The following PEMT variants were observed in gnomAD, a reference collection of about 807,000 sequenced individuals.
PEMT encodes phosphatidylethanolamine N-methyltransferase.
Under a neutral mutation model 27.4 loss-of-function variants are expected in PEMT, and 23 were observed. The ratio of observed to expected loss-of-function variants is 0.84; its 90% CI spans 0.60 to 1.19. The LOEUF is 1.19. Ranked by LOEUF, PEMT falls within the 50% of genes most tolerant of loss-of-function variation. The probability of loss-of-function intolerance (pLI) is 0.00; values close to 1 mark genes in which losing one functional copy is unlikely to be tolerated. For synonymous variants in PEMT, 137 were observed against 139.1 expected, an observed-to-expected ratio of 0.98 and a Z score of 0.11; for missense variants, 307 against 310.1, an observed-to-expected ratio of 0.99 and a Z score of 0.07.
rs1183949931 is a variant in PEMT, at chr17:17,561,124, C to T, written c.204+15796G>A. 6.6e-6 allele frequency among the ~76,000 whole-genome samples: 1 copy of T among 152,104 alleles called. No individual in the cohort carries two copies. The highest frequency in any genetic ancestry group is 1.5e-5 in the Non-Finnish European group (1 of 68,034). ...TCACATGATGGGCAGGACCCACACA[C>T]ACCACAGTCATCAAACATTCACTGG... On this transcript the variant is annotated intron_variant, in intron 2 of 6. Coordinates refer to ENST00000255389, the MANE Select transcript of PEMT (RefSeq NM_148172.3). This position sits in a 1 kb window ranked among gnomAD's most constrained non-coding sequence, Gnocchi z 4.5.
chr17:17,582,263 C>T lies in PEMT; in HGVS notation c.97-5236G>A. 1 of 985,482 alleles carries T rather than the reference C, an allele frequency of 1.0e-6. No individual in the cohort carries two copies. The highest frequency in any genetic ancestry group is 1.2e-6 in the Non-Finnish European group (1 of 829,964). 61.0% of individuals were successfully genotyped at this position (985,482 alleles called of 1,614,324 possible). ...AATCTGACTAAAGGAAAGGAGCTAC[C>T]CACCACGGCCAGGAGGTCTGCTGAG... On this transcript the variant is annotated intron_variant, in intron 1 of 6. Coordinates refer to ENST00000255389, the MANE Select transcript of PEMT (RefSeq NM_148172.3). This position sits in a 1 kb window ranked among gnomAD's most constrained non-coding sequence, Gnocchi z 4.9.
intron 5 of PEMT, 65 bp from the exon 6 acceptor site, chr17:17,506,366 G>C: frequency 1.6e-6 from 2 of 1,228,970 alleles, no homozygotes; most frequent in Non-Finnish European, 2.3e-6. Flanking sequence ...CGGCCCACCT[G>C]CCCAGGCTGG....
chr17:17,585,063 C>T (rs558885093), intron 1 of PEMT, among the ~76,000 whole-genome samples: 6 of 152,302 alleles, frequency 3.9e-5, no homozygotes, highest in South Asian at 2.1e-4. Context: ...AGTGGCCAGG[C>T]GCGGTGGCTC....
At chr17:17,577,463 G>A (rs1278538405) in intron 1 of PEMT, 8 of 1,035,622 alleles carry the variant, frequency 7.7e-6, no homozygotes, top group African/African-American at 3.3e-5. Flanking sequence ...GCCTCTCCTC[G>A]CCCACACTCG....
intron 2 of PEMT, among the ~76,000 whole-genome samples, chr17:17,556,401 T>G (rs1910057364): frequency 1.3e-5 from 2 of 150,398 alleles, no homozygotes; most frequent in Admixed American, 6.6e-5. Context: ...TTAGACGGAG[T>G]CTCGCTCTGT....
At chr17:17,533,238 T>A (rs1908232639) in intron 2 of PEMT, among the ~76,000 whole-genome samples, 1 of 152,200 alleles carries the variant, frequency 6.6e-6, no homozygotes, top group African/African-American at 2.4e-5. Flanking sequence ...GTGGAAAGAA[T>A]AGCCTTTTCA....
At chr17:17,577,669 A>T (rs62850061) in intron 1 of PEMT, among the ~76,000 whole-genome samples, 1 of 137,168 alleles carries the variant, frequency 7.3e-6, no homozygotes, top group Non-Finnish European at 1.5e-5. Context: ...AGAAATGAAG[A>T]AAAAAAAAAA....
At chr17:17,526,661 C>T (rs903597263) in intron 2 of PEMT, among the ~76,000 whole-genome samples, 1 of 152,236 alleles carries the variant, frequency 6.6e-6, no homozygotes, top group Non-Finnish European at 1.5e-5. Flanking sequence ...CCTGAGGTGG[C>T]AGCTCCGGCC....
chr17:17,560,206 G>A (rs1409908701), intron 2 of PEMT, among the ~76,000 whole-genome samples: 2 of 152,194 alleles, frequency 1.3e-5, no homozygotes, highest in Non-Finnish European at 2.9e-5. Context: ...TGCCAAGTAC[G>A]ATGGAAAGGC....
chr17:17,585,784 T>G (rs1331124784), intron 1 of PEMT, among the ~76,000 whole-genome samples: 1 of 152,108 alleles, frequency 6.6e-6, no homozygotes, highest in Non-Finnish European at 1.5e-5. Context: ...GGAAACAACT[T>G]GACCAAAAAT....
intron 1 of PEMT, among the ~76,000 whole-genome samples, chr17:17,586,202 G>GAAAGAAAGAAAGAA: frequency 8.8e-6 from 1 of 113,708 alleles, no homozygotes; most frequent in East Asian, 2.5e-4. Flanking sequence ...AGGAAGGAAA[G>GAAAGAAAGAAAGAA]AAAGAAAGAA....
At chr17:17,514,803 C>CCGGCCCTGCTCAGGAGCATGG (rs1906696817) in intron 3 of PEMT, among the ~76,000 whole-genome samples, 2 of 152,246 alleles carry the variant, frequency 1.3e-5, no homozygotes, top group South Asian at 4.1e-4. Flanking sequence ...AGGAAGGGTG[C>CCGGCCCTGCTCAGGAGCATGG]CGGCCCTGCT....
intron 3 of PEMT, among the ~76,000 whole-genome samples, chr17:17,516,467 G>A (rs1406505305): frequency 6.6e-6 from 1 of 152,160 alleles, no homozygotes; most frequent in Non-Finnish European, 1.5e-5. Context: ...AAACAGGGAA[G>A]CAGATGGTAG....
chr17:17,511,240 C>T (rs953377401), intron 4 of PEMT, among the ~76,000 whole-genome samples: 1 of 152,196 alleles, frequency 6.6e-6, no homozygotes, highest in Non-Finnish European at 1.5e-5. Flanking sequence ...TACCTGCCCG[C>T]ACCTGCCCCC....
chr17:17,540,823 C>T (rs1908826252), intron 2 of PEMT, among the ~76,000 whole-genome samples: 3 of 152,190 alleles, frequency 2.0e-5, no homozygotes, highest in African/African-American at 4.8e-5. Context: ...TCATCACTGG[C>T]GAGTGAATGG....
chr17:17,564,788 G>T (rs965340130), intron 2 of PEMT, among the ~76,000 whole-genome samples: 2 of 152,198 alleles, frequency 1.3e-5, no homozygotes, highest in African/African-American at 4.8e-5. Context: ...GCCAATTCAA[G>T]CAAGAGGCTG....
intron 2 of PEMT, among the ~76,000 whole-genome samples, chr17:17,576,340 C>T (rs1482644010): frequency 6.6e-6 from 1 of 152,208 alleles, no homozygotes; most frequent in Non-Finnish European, 1.5e-5. Context: ...CCCAAACATC[C>T]CCTGGCACCC....
Position 17,549,202 on chromosome 17 carries a change from A to T in PEMT, c.205-26807T>A, listed in dbSNP as rs1310278157. ...AAAATTTTTATTTATTTATTTGTTT[A>T]TTTTTGAGACGGAGTCTCACTCTGT... On this transcript the variant is annotated intron_variant, in intron 2 of 6. Coordinates refer to ENST00000255389, the MANE Select transcript of PEMT (RefSeq NM_148172.3). Among the ~76,000 whole-genome samples, 7 of 151,734 alleles carry T rather than the reference A, an allele frequency of 4.6e-5. No individual in the cohort carries two copies. In the South Asian group the frequency reaches 1.5e-3, roughly 32 times the overall value.
chr17:17,506,928 C>T (rs1905909398), intron 5 of PEMT: 1 of 539,238 alleles, frequency 1.9e-6, no homozygotes, highest in Admixed American at 3.2e-5. Flanking sequence ...CAGCCCCACG[C>T]CCAGGAGCCC....
Sources: gnomAD v4.1 joint callset for allele counts (sites outside exome capture counted in the v4.1 genomes callset) on GRCh38, gnomAD v4.1.1 for gene constraint, Gnocchi (gnomAD v3.1) non-coding constraint, MANE v1.5 for transcripts, NCBI Gene and HGNC (gene_info 2026-07-23, HGNC 2026-07-21) for gene names.